ATP10A: variants seen among roughly 807,000 people sequenced by gnomAD.
ATP10A encodes the protein phospholipid-transporting ATPase VA.
ATP10A carries 111 observed loss-of-function variants against 147.8 expected under a neutral mutation model. That is an observed-to-expected ratio of 0.75 (90% CI 0.64 to 0.88). The LOEUF is 0.88. Ranked by LOEUF, ATP10A falls within the 40% of genes least tolerant of loss-of-function variation. The pLI, the probability that ATP10A is intolerant of heterozygous loss-of-function variation, is 0.00. For missense variants in ATP10A, 1,927 were observed against 1,959.0 expected (o/e 0.98, Z 0.31); for synonymous variants, 875 against 841.6 (o/e 1.04, Z -0.69).
At chr15:25,797,408 C>T (rs1890722735) in intron 1 of ATP10A, among the ~76,000 whole-genome samples, 1 of 152,186 alleles carries the variant, frequency 6.6e-6, no homozygotes, top group Non-Finnish European at 1.5e-5. Flanking sequence ...TCCCCTGAGG[C>T]CAGTGCCATG....
chr15:25,791,406 C>T (rs1472951472), intron 1 of ATP10A, among the ~76,000 whole-genome samples: 5 of 152,114 alleles, frequency 3.3e-5, no homozygotes, highest in East Asian at 1.9e-4. Context: ...CTCTGCTGCC[C>T]GTGCTGGAGT....
intron 5 of ATP10A, 33 bp from the exon 6 acceptor site, chr15:25,724,054 T>A: frequency 6.8e-7 from 1 of 1,471,406 alleles, no homozygotes; most frequent in Non-Finnish European, 9.0e-7. Flanking sequence ...ATGTCATTCA[T>A]CCAATGGAAA....
Position 25,718,256 on chromosome 15 carries a change from G to C in ATP10A, c.1507C>G (p.Arg503Gly), listed in dbSNP as rs759620725. 2 of 1,612,582 alleles carry C rather than the reference G, an allele frequency of 1.2e-6. No homozygotes were observed. The highest frequency in any genetic ancestry group is 2.7e-5 in the African/African-American group (2 of 74,926). ...VHRTQSTKSH[R>G]RTGSRAEAKR... ...GCCTCGGCCCGGCTGCCCGTGCGCC[G>C]GTGGGACTTGGTGCTCTGGGTTCTG... Residue 503 changes from arginine to glycine, a missense_variant, in exon 8 of 21, where the codon CGG becomes GGG. Transcript: ENST00000555815.
intron 1 of ATP10A, chr15:25,848,693 C>T (rs1199388682): frequency 1.3e-5 from 2 of 154,018 alleles, no homozygotes; most frequent in African/African-American, 4.8e-5. Flanking sequence ...CTTGTGATTA[C>T]ACTGGGCCCA....
At chr15:25,862,509 C>T (rs1276108215) in intron 1 of ATP10A, 139 bp downstream of exon 1, 2 of 1,089,628 alleles carry the variant, frequency 1.8e-6, no homozygotes, top group Non-Finnish European at 2.6e-6. Flanking sequence ...CACCGGGTCC[C>T]GCGCAGCCGG....
rs185952329 is a variant in ATP10A, at chr15:25,720,037, C to T, written c.1363+1620G>A. ...GTTTCATTCATCACCAGGAAGCTCC[C>T]TGTGTCTTGAGGCAAGGAAACCCTC... On this transcript the variant is annotated intron_variant, in intron 7 of 20. Transcript: ENST00000555815. 3.2e-4 allele frequency among the ~76,000 whole-genome samples: 49 copies of T among 152,320 alleles called. No individual in the cohort carries two copies. In the East Asian group the frequency reaches 9.1e-3, roughly 28 times the overall value.
intron 2 of ATP10A, among the ~76,000 whole-genome samples, chr15:25,750,993 C>T (rs2057882201): frequency 6.6e-6 from 1 of 151,996 alleles, no homozygotes; most frequent in African/African-American, 2.4e-5. Flanking sequence ...CTAACCATGT[C>T]ATTAATCACA....
At chr15:25,686,075 C>T (rs1441194207) in intron 16 of ATP10A, among the ~76,000 whole-genome samples, 1 of 152,152 alleles carries the variant, frequency 6.6e-6, no homozygotes, top group Non-Finnish European at 1.5e-5. Context: ...CAGCCTTCCT[C>T]AGATAGTCCC....
Position 25,821,023 on chromosome 15 carries a change from C to T in ATP10A, c.450-39800G>A, listed in dbSNP as rs539492331. ...GACAGATAAAAATAAACATACATTACAGTCATATCAATATATCCTATAAAC... is the reference window on the plus strand; with the variant it reads ...GACAGATAAAAATAAACATACATTATAGTCATATCAATATATCCTATAAAC... On this transcript the variant is annotated intron_variant, in intron 1 of 20. Coordinates refer to ENST00000555815, the MANE Select transcript of ATP10A (RefSeq NM_024490.4). 2.0e-5 allele frequency among the ~76,000 whole-genome samples: 3 copies of T among 152,240 alleles called. No homozygotes were observed. In the South Asian group the frequency reaches 6.2e-4, roughly 32 times the overall value.
At chr15:25,711,618 C>T (rs1310457107) in intron 10 of ATP10A, among the ~76,000 whole-genome samples, 5 of 152,082 alleles carry the variant, frequency 3.3e-5, no homozygotes, top group South Asian at 2.1e-4. Flanking sequence ...CAGAGGAAGG[C>T]GGAGATCAAC....
Position 25,833,518 on chromosome 15 carries a change from A to G in ATP10A, c.449+29130T>C, listed in dbSNP as rs1164569849. Among the ~76,000 whole-genome samples, 8 of 152,006 alleles carry G rather than the reference A, an allele frequency of 5.3e-5. 1 individual carries two copies. The highest frequency in any genetic ancestry group is 5.2e-4 in the Admixed American group (8 of 15,274). On this transcript the variant is annotated intron_variant, in intron 1 of 20. Coordinates refer to ENST00000555815, the MANE Select transcript of ATP10A (RefSeq NM_024490.4). ...TTTGACAGTAGAGTACCCCTACCACACTTCTCTTCACTCTGGAGTGAAAAA... is the reference window on the plus strand; with the variant it reads ...TTTGACAGTAGAGTACCCCTACCACGCTTCTCTTCACTCTGGAGTGAAAAA...
chr15:25,820,532 TA>T (rs1891836677), intron 1 of ATP10A, among the ~76,000 whole-genome samples: 1 of 151,888 alleles, frequency 6.6e-6, no homozygotes, highest in South Asian at 2.1e-4. Flanking sequence ...CATGGAAAAA[TA>T]AATAGGTGAA....
In ATP10A at chr15:25,811,700, GA is replaced by G. The variant is rs966419594; in HGVS notation, c.450-30478del. 5.2e-3 allele frequency among the ~76,000 whole-genome samples: 787 copies of G among 152,298 alleles called. 5 individuals carry two copies. Among genetic ancestry groups the G allele is most frequent in the African/African-American group, 0.018 (748 of 41,552 alleles). ...GTGGGGAGAAAACGCTGGGAGCCCAGAGACACCACAGGCGTCAAGAGTCCAG... is the reference window on the plus strand; with the variant it reads ...GTGGGGAGAAAACGCTGGGAGCCCAGGACACCACAGGCGTCAAGAGTCCAG... On this transcript the variant is annotated intron_variant, in intron 1 of 20. Coordinates refer to ENST00000555815, the MANE Select transcript of ATP10A (RefSeq NM_024490.4).
Position 25,708,073 on chromosome 15 carries a change from C to T in ATP10A, c.2478G>A (p.Trp826Ter). The change falls in exon 12 of 21, where the codon TGG (tryptophan) becomes TGA (stop). Residue 826 changes from tryptophan (W) to a stop codon, truncating the protein, a stop_gained. Transcript: ENST00000555815. LOFTEE classifies it high-confidence loss of function. ...ATTCGGCTTCTAGGTGGCTTTGCAACCAGCAGGCATACTCTTCTTTACTCA... is the reference window on the plus strand; with the variant it reads ...ATTCGGCTTCTAGGTGGCTTTGCAATCAGCAGGCATACTCTTCTTTACTCA... ...RVLSKEEYAC[W>*]LQSHLEAESS... 1 of 1,614,144 alleles carries T rather than the reference C, an allele frequency of 6.2e-7. No individual in the cohort carries two copies. Among genetic ancestry groups the T allele is most frequent in the Non-Finnish European group, 8.5e-7 (1 of 1,180,038 alleles).
At chr15:25,839,927 G>A (rs989584288) in intron 1 of ATP10A, among the ~76,000 whole-genome samples, 5 of 152,082 alleles carry the variant, frequency 3.3e-5, no homozygotes, top group African/African-American at 9.7e-5. Flanking sequence ...ATTCGTGTGC[G>A]TGTGTGTGCG....
In ATP10A at chr15:25,695,113, A is replaced by G. The variant is rs2140322712; in HGVS notation, c.2794T>C (p.Cys932Arg). The G allele has an allele frequency of 6.2e-7, 1 of 1,613,974 alleles. No individual in the cohort carries two copies. Among genetic ancestry groups the G allele is most frequent in the Non-Finnish European group, 8.5e-7 (1 of 1,179,912 alleles). Residue 932 changes from cysteine (C) to arginine (R), a missense_variant, in exon 14 of 21, where the codon TGC becomes CGC. Physicochemically the swap from Cys to Arg is radical, Grantham distance 180 (BLOSUM62 -3). Transcript: ENST00000555815. ...TGGAGGCCTCTGGACTGCACGTAGCATAGGCACTGGTCTAGCAGGGCTGCA... is the reference window on the plus strand; with the variant it reads ...TGGAGGCCTCTGGACTGCACGTAGCGTAGGCACTGGTCTAGCAGGGCTGCA... ...ACAALLDQCLCYVQSRGLQRA... is the reference protein window; with the variant it reads ...ACAALLDQCLRYVQSRGLQRA...
chr15:25,734,281 C>G (rs565552953), intron 3 of ATP10A, among the ~76,000 whole-genome samples: 1 of 152,218 alleles, frequency 6.6e-6, no homozygotes, highest in Non-Finnish European at 1.5e-5. Flanking sequence ...TGCCAGGCAC[C>G]GCCCTGTCAC....
At chr15:25,821,556 G>A (rs1357587063) in intron 1 of ATP10A, among the ~76,000 whole-genome samples, 2 of 152,106 alleles carry the variant, frequency 1.3e-5, no homozygotes, top group Admixed American at 6.6e-5. Flanking sequence ...AGTTGGGGAG[G>A]GGCCTCTCTG....
At chr15:25,701,104 T>C (rs1171281067) in intron 13 of ATP10A, among the ~76,000 whole-genome samples, 1 of 152,156 alleles carries the variant, frequency 6.6e-6, no homozygotes, top group Non-Finnish European at 1.5e-5. Flanking sequence ...ATGGCGTCTG[T>C]ACAATGTGGA....
Sources: gnomAD v4.1 joint callset for allele counts (sites outside exome capture counted in the v4.1 genomes callset) on GRCh38, gnomAD v4.1.1 for gene constraint, MANE v1.5 for transcripts, NCBI Gene and HGNC (gene_info 2026-07-23, HGNC 2026-07-21) for gene names.